The following IRX1 variants were observed in gnomAD, a reference collection of about 807,000 sequenced individuals.
IRX1 encodes the protein iroquois homeobox 1.
Under a neutral mutation model 34.1 loss-of-function variants are expected in IRX1, and 22 were observed. That is an observed-to-expected ratio of 0.64 (90% CI 0.46 to 0.92). The LOEUF is 0.92. IRX1 is among the 40% of genes least tolerant of loss of function. The pLI, the probability that IRX1 is intolerant of heterozygous loss-of-function variation, is 0.00. For synonymous variants in IRX1, 363 were observed against 319.0 expected, an observed-to-expected ratio of 1.14 and a Z score of -1.47; for missense variants, 758 against 680.0, an observed-to-expected ratio of 1.11 and a Z score of -1.28.
chr5:3,597,923 C>A (rs1418113626), intron 1 of IRX1, among the ~76,000 whole-genome samples: 2 of 152,260 alleles, frequency 1.3e-5, no homozygotes, highest in South Asian at 2.1e-4. Context: ...GGGAACCCTG[C>A]CTGTGTTTGC....
In IRX1 at chr5:3,601,348, G is replaced by A. The variant is rs1733965503; in HGVS notation, c.*308G>A. On this transcript the variant is annotated 3_prime_UTR_variant, in exon 4 of 4. Transcript: ENST00000302006. Reference sequence around the variant, plus strand: ...AGTGGTTTCAGATTGTAAATAGCGCGTCAGCGAACTTGTCTAAATCATATA... The same window carrying A: ...AGTGGTTTCAGATTGTAAATAGCGCATCAGCGAACTTGTCTAAATCATATA... The A allele has an allele frequency of 4.7e-6, 2 of 427,904 alleles. No homozygotes were observed. Among genetic ancestry groups the A allele is most frequent in the African/African-American group, 2.0e-5 (1 of 49,392 alleles). 26.5% of individuals were successfully genotyped at this position (427,904 alleles called of 1,614,324 possible). A position where few individuals can be genotyped will look rare whatever the true frequency, so the allele number is the denominator to read the frequency against.
In IRX1 at chr5:3,599,755, GGCA is replaced by G; in HGVS notation, c.813_815del (p.Ala272del). Reference sequence around the variant, plus strand: ...TTGCCCGGGACCAAGGCTCGCCGCTGGCAGCAGCCGACGTTCTCAAGCCCCAGG... The same window carrying G: ...TTGCCCGGGACCAAGGCTCGCCGCTGGCAGCCGACGTTCTCAAGCCCCAGG... On this transcript the variant is annotated inframe_deletion, in exon 2 of 4. Transcript: ENST00000302006. This position sits in a 1 kb window ranked among gnomAD's most constrained non-coding sequence, Gnocchi z 6.6. 1 of 1,610,060 alleles carries G rather than the reference GGCA, an allele frequency of 6.2e-7. No individual in the cohort carries two copies. The highest frequency in any genetic ancestry group is 1.1e-5 in the South Asian group (1 of 90,888).
At chr5:3,597,225 A>G (rs1035608284) in intron 1 of IRX1, among the ~76,000 whole-genome samples, 3 of 152,172 alleles carry the variant, frequency 2.0e-5, no homozygotes, top group Non-Finnish European at 4.4e-5. Flanking sequence ...GCGGCTGCAC[A>G]CTTAATTCTC....
In IRX1 at chr5:3,600,670, G is replaced by A. The variant is rs944099410; in HGVS notation, c.1374G>A (p.Pro458=). The change falls in exon 3 of 4, where the codon CCG becomes CCA. Residue 458 remains proline (P), a synonymous_variant. Coordinates refer to ENST00000302006, the MANE Select transcript of IRX1 (RefSeq NM_024337.4). ...PAQQLKSPFQ[P]VRDNSLAPQE... ...AGCAGTTAAAGTCGCCCTTCCAGCC[G>A]GTACGCGACAAGTGAGTGCTGTTTG... 2.5e-6 allele frequency: 4 copies of A among 1,613,776 alleles called. No homozygotes were observed. Among genetic ancestry groups the A allele is most frequent in the Admixed American group, 3.3e-5 (2 of 60,020 alleles).
chr5:3,600,886 GC>G, intron 3 of IRX1, 96 bp from the exon 4 acceptor site: 2 of 1,352,308 alleles, frequency 1.5e-6, no homozygotes, highest in Non-Finnish European at 2.1e-6. Flanking sequence ...TGTCGACCCC[GC>G]CCCCAGGGCT....
rs774834953 is a variant in IRX1, at chr5:3,599,371, G to C, written c.423G>C (p.Thr141=). 3 of 1,614,110 alleles carry C rather than the reference G, an allele frequency of 1.9e-6. No individual in the cohort carries two copies. The highest frequency in any genetic ancestry group is 2.5e-6 in the Non-Finnish European group (3 of 1,180,036). ...ACGCCACCCGCGAGAGCACCAGCAC[G>C]CTCAAGGCCTGGCTCAACGAGCACC... ...PKNATRESTS[T]LKAWLNEHRK... The change falls in exon 2 of 4, where the codon ACG becomes ACC. Residue 141 remains threonine, a synonymous_variant. Transcript: ENST00000302006. This position sits in a 1 kb window ranked among gnomAD's most constrained non-coding sequence, Gnocchi z 6.6.
In IRX1 at chr5:3,601,196, G is replaced by T. The variant is rs1297521157; in HGVS notation, c.*156G>T. 2.7e-6 allele frequency: 2 copies of T among 735,480 alleles called. No individual in the cohort carries two copies. The highest frequency in any genetic ancestry group is 2.2e-5 in the Admixed American group (1 of 45,326). The allele number at this position is 735,480 out of a possible 1,614,324, so 45.6% of individuals were successfully genotyped here. A position where few individuals can be genotyped will look rare whatever the true frequency, so the allele number is the denominator to read the frequency against. On this transcript the variant is annotated 3_prime_UTR_variant, in exon 4 of 4. Coordinates refer to ENST00000302006, the MANE Select transcript of IRX1 (RefSeq NM_024337.4). The stretch of plus-strand genomic sequence containing the variant: ...CATCCGTCGCTTTCTGCAGAAAGGG[G>T]CTTCTTCGGTCCCGAGCTCGCGTCC...
Position 3,599,207 on chromosome 5 carries a change from T to A in IRX1, c.277-18T>A, listed in dbSNP as rs1249506850. The A allele has an allele frequency of 3.1e-6, 5 of 1,605,618 alleles. No homozygotes were observed. Among genetic ancestry groups the A allele is most frequent in the Admixed American group, 3.3e-5 (2 of 59,732 alleles). ...TTCCCTCCTCTCTCTCCTCGATGGA[T>A]CTGCCCTGTGGCTTCAGGGCTCGCA... is the stretch of plus-strand genomic sequence containing the variant. On this transcript the variant is annotated intron_variant, in intron 1 of 3. Transcript: ENST00000302006. The surrounding 1 kb of genome is among the most constrained non-coding windows in gnomAD (Gnocchi z 6.6).
rs1350557725 is a variant in IRX1, at chr5:3,599,974, C to A, written c.1026C>A (p.Gly342=). 2 of 1,509,266 alleles carry A rather than the reference C, an allele frequency of 1.3e-6. No individual in the cohort carries two copies. The highest frequency in any genetic ancestry group is 1.3e-5 in the South Asian group (1 of 78,372). The allele number at this position is 1,509,266 out of a possible 1,614,324, so 93.5% of individuals were successfully genotyped here. A position where few individuals can be genotyped will look rare whatever the true frequency, so the allele number is the denominator to read the frequency against. Reference sequence around the variant, plus strand: ...CACCACCACCCGCGGGCCACCCCGGCGCGCACGGGCCCTCCGCCGGGGCGC... The same window carrying A: ...CACCACCACCCGCGGGCCACCCCGGAGCGCACGGGCCCTCCGCCGGGGCGC... ...ASPPPPAGHP[G]AHGPSAGAPL... is the part of the protein sequence containing the mutation. Residue 342 remains glycine (G), a synonymous_variant, in exon 2 of 4, where the codon GGC becomes GGA. Coordinates refer to ENST00000302006, the MANE Select transcript of IRX1 (RefSeq NM_024337.4). The surrounding 1 kb of genome is among the most constrained non-coding windows in gnomAD (Gnocchi z 6.6).
At position 3,599,618 on chromosome 5, in the gene IRX1, G is replaced by C. The variant is rs1339416152; in HGVS notation, c.670G>C (p.Asp224His). ...GAAGGCCGAGGACGACGAGGAGATC[G>C]ACCTGGAAAGCATCGACATTGACAA... Reference protein sequence around the residue: ...PEKAEDDEEIDLESIDIDKID... With the variant: ...PEKAEDDEEIHLESIDIDKID... Residue 224 changes from aspartate (D) to histidine (H), a missense_variant, in exon 2 of 4, where the codon GAC (aspartate) becomes CAC (histidine). Physicochemically the swap from Asp to His is moderately conservative, Grantham distance 81 (BLOSUM62 -1). This residue lies in a region of IRX1 where 529 missense variants were observed against 418.8 expected (regional missense o/e 1.26). Transcript: ENST00000302006. The surrounding 1 kb of genome is among the most constrained non-coding windows in gnomAD (Gnocchi z 6.6). The C allele has an allele frequency of 7.4e-6, 12 of 1,613,992 alleles. No homozygotes were observed. The highest frequency in any genetic ancestry group is 1.0e-5 in the Non-Finnish European group (12 of 1,180,026).
intron 3 of IRX1, 91 bp from the exon 4 acceptor site, chr5:3,600,892 A>C (rs1733948720): frequency 2.2e-6 from 3 of 1,386,836 alleles, no homozygotes; most frequent in Non-Finnish European, 3.1e-6. Flanking sequence ...CCCCGCCCCC[A>C]GGGCTCCGCT....
At position 3,599,943 on chromosome 5, in the gene IRX1, C is replaced by A; in HGVS notation, c.995C>A (p.Ala332Asp). The A allele has an allele frequency of 6.7e-7, 1 of 1,503,016 alleles. No homozygotes were observed. The highest frequency in any genetic ancestry group is 8.9e-7 in the Non-Finnish European group (1 of 1,123,150). 93.1% of individuals were successfully genotyped at this position (1,503,016 alleles called of 1,614,324 possible). Residue 332 changes from alanine (A) to aspartate (D), a missense_variant, in exon 2 of 4, where the codon GCT (alanine) becomes GAT (aspartate). Ala to Asp is a moderately radical substitution (Grantham distance 126). This residue lies in a region of IRX1 where 529 missense variants were observed against 418.8 expected (regional missense o/e 1.26). Transcript: ENST00000302006. The surrounding 1 kb of genome is among the most constrained non-coding windows in gnomAD (Gnocchi z 6.6). ...ACGAGCCCCGACGGTGCGCCCAAGG[C>A]TTCGCCACCACCACCCGCGGGCCAC... ...TATSPDGAPK[A>D]SPPPPAGHPG...
At chr5:3,600,869 C>G in intron 3 of IRX1, 114 bp from the exon 4 acceptor site, 1 of 1,250,338 alleles carries the variant, frequency 8.0e-7, no homozygotes, top group Non-Finnish European at 1.2e-6. Context: ...CCGGGAGCCG[C>G]GCTGGCTGTC....
chr5:3,598,186 G>A (rs13164670), intron 1 of IRX1, among the ~76,000 whole-genome samples: 25,853 of 152,142 alleles, frequency 0.17, 2,574 homozygotes, highest in Admixed American at 0.24. Flanking sequence ...AGATAAAATT[G>A]TATTTGAATG....
Position 3,596,096 on chromosome 5 carries a change from G to T in IRX1, c.-10G>T, listed in dbSNP as rs1743682546. ...ACTCGCCCGCTGCGGCGGTCGCCGA[G>T]TCCGCGGACATGTCCTTCCCGCAGC... On this transcript the variant is annotated 5_prime_UTR_variant, in exon 1 of 4. Transcript: ENST00000302006. The T allele has an allele frequency of 1.9e-6, 2 of 1,064,624 alleles. No homozygotes were observed. Among genetic ancestry groups the T allele is most frequent in the African/African-American group, 1.7e-5 (1 of 58,734 alleles). The allele number at this position is 1,064,624 out of a possible 1,614,324, so 65.9% of individuals were successfully genotyped here. A position where few individuals can be genotyped will look rare whatever the true frequency, so the allele number is the denominator to read the frequency against.
chr5:3,598,409 G>A (rs1023356177), intron 1 of IRX1, among the ~76,000 whole-genome samples: 1 of 152,132 alleles, frequency 6.6e-6, no homozygotes, highest in African/African-American at 2.4e-5. Context: ...CTTAAGAGAT[G>A]AAGTAACTGA....
At chr5:3,597,011 G>T (rs960711202) in intron 1 of IRX1, among the ~76,000 whole-genome samples, 2 of 152,200 alleles carry the variant, frequency 1.3e-5, no homozygotes, top group Admixed American at 6.5e-5. Context: ...CAAAAATTAA[G>T]TTGCAGTAAT....
chr5:3,599,356 C>G lies in IRX1; in HGVS notation c.408C>G (p.Arg136=). ...GDPGRPKNAT[R]ESTSTLKAWL... is the part of the protein sequence containing the mutation. Reference sequence around the variant, plus strand: ...CCGGGCGGCCCAAGAACGCCACCCGCGAGAGCACCAGCACGCTCAAGGCCT... The same window carrying G: ...CCGGGCGGCCCAAGAACGCCACCCGGGAGAGCACCAGCACGCTCAAGGCCT... Residue 136 remains arginine (R), a synonymous_variant, in exon 2 of 4, where the codon CGC becomes CGG. Coordinates refer to ENST00000302006, the MANE Select transcript of IRX1 (RefSeq NM_024337.4). The surrounding 1 kb of genome is among the most constrained non-coding windows in gnomAD (Gnocchi z 6.6). 6.2e-7 allele frequency: 1 copy of G among 1,614,078 alleles called. No homozygotes were observed. The highest frequency in any genetic ancestry group is 8.5e-7 in the Non-Finnish European group (1 of 1,180,024).
In IRX1 at chr5:3,600,277, C is replaced by T; in HGVS notation, c.1312+17C>T. 1.3e-6 allele frequency: 2 copies of T among 1,548,158 alleles called. No individual in the cohort carries two copies. Among genetic ancestry groups the T allele is most frequent in the Non-Finnish European group, 1.7e-6 (2 of 1,150,908 alleles). On this transcript the variant is annotated intron_variant, in intron 2 of 3. Transcript: ENST00000302006. ...CGCTCCCAGGTACAGCTCCAGGCCG[C>T]GTCCACCTGTCCCCTAGCTGGGAAT...
Sources: allele counts gnomAD v4.1 joint callset (sites outside exome capture counted in the v4.1 genomes callset), GRCh38; gene constraint gnomAD v4.1.1; regional missense constraint gnomAD v4.1.1; non-coding constraint Gnocchi (gnomAD v3.1); transcripts MANE v1.5; gene names NCBI Gene and HGNC (gene_info 2026-07-23, HGNC 2026-07-21).